YAF2: variants seen among roughly 807,000 people sequenced by gnomAD.
The protein encoded by YAF2 is YY1 associated factor 2.
In YAF2, 7 loss-of-function variants were observed where a neutral mutation model predicts 20.1. That is an observed-to-expected ratio of 0.35 (90% CI 0.20 to 0.65). The LOEUF is 0.65. Ranked by LOEUF, YAF2 falls within the 30% of genes least tolerant of loss-of-function variation. The pLI is 0.69. For synonymous variants in YAF2, 74 were observed against 76.0 expected, an observed-to-expected ratio of 0.97 and a Z score of 0.14; for missense variants, 151 against 219.2, an observed-to-expected ratio of 0.69 and a Z score of 1.96.
intron 2 of YAF2, among the ~76,000 whole-genome samples, chr12:42,222,697 A>G (rs959191514): frequency 6.6e-6 from 1 of 152,196 alleles, no homozygotes; most frequent in African/African-American, 2.4e-5. Context: ...TGTCTGTTTC[A>G]TAAGTTACCT....
chr12:42,214,368 C>T (rs1422626841), intron 2 of YAF2, among the ~76,000 whole-genome samples: 1 of 152,158 alleles, frequency 6.6e-6, no homozygotes, highest in Non-Finnish European at 1.5e-5. Flanking sequence ...CCTTCTTGGG[C>T]TCAAGCCATT....
chr12:42,237,435 C>T, intron 2 of YAF2, 164 bp downstream of exon 2: 5 of 1,309,090 alleles, frequency 3.8e-6, no homozygotes, highest in Non-Finnish European at 4.9e-6. Context: ...CAAACCATCG[C>T]CTGGGTTGCG....
At chr12:42,227,474 A>G (rs1290672535) in intron 2 of YAF2, among the ~76,000 whole-genome samples, 1 of 119,588 alleles carries the variant, frequency 8.4e-6, no homozygotes, top group African/African-American at 3.5e-5. Flanking sequence ...AGATGTGGGG[A>G]GCGCCTCTGC....
At chr12:42,168,482 G>C (rs1280494135) in intron 2 of YAF2, among the ~76,000 whole-genome samples, 1 of 152,038 alleles carries the variant, frequency 6.6e-6, no homozygotes, top group Admixed American at 6.6e-5. Flanking sequence ...ATGCCTGGCC[G>C]AAAGACAGAA....
chr12:42,165,351 C>T (rs1259319582), intron 2 of YAF2, among the ~76,000 whole-genome samples: 3 of 152,156 alleles, frequency 2.0e-5, no homozygotes, highest in Non-Finnish European at 2.9e-5. Flanking sequence ...AATGAAACGA[C>T]TTCATTAAGC....
chr12:42,210,770 T>C (rs374602892), intron 2 of YAF2: 1 of 1,133,868 alleles, frequency 8.8e-7, no homozygotes, highest in Non-Finnish European at 1.2e-6. Context: ...TAGATAACTA[T>C]ATATACACGT....
intron 2 of YAF2, among the ~76,000 whole-genome samples, chr12:42,203,068 A>G (rs543092752): frequency 6.9e-6 from 1 of 144,570 alleles, no homozygotes; most frequent in African/African-American, 2.5e-5. Context: ...ATTTTCCACA[A>G]AAAAAAAAAA....
intron 2 of YAF2, chr12:42,232,688 C>G: frequency 1.0e-6 from 1 of 985,294 alleles, no homozygotes. Flanking sequence ...GAATCAGTGC[C>G]AAACCTCAAA....
At chr12:42,166,305 A>G (rs1295930987) in intron 2 of YAF2, among the ~76,000 whole-genome samples, 1 of 152,210 alleles carries the variant, frequency 6.6e-6, no homozygotes, top group African/African-American at 2.4e-5. Flanking sequence ...AACCCTTGAC[A>G]ACTCATAATT....
In YAF2 at chr12:42,223,087, T is replaced by C. The variant is rs972458807; in HGVS notation, c.152+14512A>G. On this transcript the variant is annotated intron_variant, in intron 2 of 3. Transcript: ENST00000534854. ...TCCATTTGCTCATCAAACAACCCTA[T>C]GAGACTGGTGAAGAAGGTAGAAATC... Among the ~76,000 whole-genome samples, 31 of 152,260 alleles carry C rather than the reference T, an allele frequency of 2.0e-4. 1 individual carries two copies. The Middle Eastern group carries it at 0.01, about 50-fold the overall frequency.
rs1370837372 is a variant in YAF2, at chr12:42,157,537, A to G, written c.*3052T>C. On this transcript the variant is annotated 3_prime_UTR_variant, in exon 4 of 4. Transcript: ENST00000534854. ...AACGAAAACTTCTAGACCATTTACCATTAATGCAGAGGCTACATTCTTTCA... is the reference window on the plus strand; with the variant it reads ...AACGAAAACTTCTAGACCATTTACCGTTAATGCAGAGGCTACATTCTTTCA... 2 of 152,176 alleles carry G rather than the reference A, an allele frequency of 1.3e-5. No individual in the cohort carries two copies. Among genetic ancestry groups the G allele is most frequent in the African/African-American group, 4.8e-5 (2 of 41,440 alleles). 9.4% of individuals were successfully genotyped at this position (152,176 alleles called of 1,614,324 possible).
intron 2 of YAF2, among the ~76,000 whole-genome samples, chr12:42,228,546 C>T (rs1324859877): frequency 1.7e-5 from 1 of 59,130 alleles, no homozygotes; most frequent in Non-Finnish European, 2.9e-5. Context: ...TCTGCCCGGC[C>T]GCCCCTACTG....
chr12:42,211,364 T>C (rs1173234454), intron 2 of YAF2, among the ~76,000 whole-genome samples: 1 of 144,584 alleles, frequency 6.9e-6, no homozygotes, highest in African/African-American at 2.6e-5. Flanking sequence ...GAAGCAGAGG[T>C]TGCAGTGAGC....
At chr12:42,208,931 G>A (rs115437894) in intron 2 of YAF2, among the ~76,000 whole-genome samples, 2,623 of 152,304 alleles carry the variant, frequency 0.017, 66 homozygotes, top group African/African-American at 0.06. Context: ...TTGTAAAACA[G>A]CTATAAGCAG....
At chr12:42,210,465 A>G (rs2067174450) in intron 2 of YAF2, 19 of 1,535,476 alleles carry the variant, frequency 1.2e-5, no homozygotes, top group South Asian at 2.4e-5. Context: ...CTGAGGGGGC[A>G]TGCAGTACAG....
chr12:42,203,240 T>C (rs2066947764), intron 2 of YAF2, among the ~76,000 whole-genome samples: 1 of 152,208 alleles, frequency 6.6e-6, no homozygotes, highest in Admixed American at 6.5e-5. Flanking sequence ...TGTTGGGTAC[T>C]ATATTGAATT....
At chr12:42,206,334 C>A (rs760738946) in intron 2 of YAF2, among the ~76,000 whole-genome samples, 114 of 149,158 alleles carry the variant, frequency 7.6e-4, no homozygotes, top group Non-Finnish European at 1.1e-3. Flanking sequence ...TCTGGCTGGG[C>A]GCAGTGGCTC....
At chr12:42,225,864 C>T (rs534555683) in intron 2 of YAF2, among the ~76,000 whole-genome samples, 2 of 152,258 alleles carry the variant, frequency 1.3e-5, no homozygotes, top group African/African-American at 2.4e-5. Context: ...TATACAGGCT[C>T]TTTTTTGGTT....
intron 2 of YAF2, among the ~76,000 whole-genome samples, chr12:42,208,254 T>C (rs908238487): frequency 6.6e-6 from 1 of 151,920 alleles, no homozygotes; most frequent in Non-Finnish European, 1.5e-5. Flanking sequence ...TGAAATCCTG[T>C]CTCTACTAAA....
Sources: allele counts gnomAD v4.1 joint callset (sites outside exome capture counted in the v4.1 genomes callset), GRCh38; gene constraint gnomAD v4.1.1; transcripts MANE v1.5; gene names NCBI Gene and HGNC (gene_info 2026-07-23, HGNC 2026-07-21).